NRXN1: variants seen among roughly 807,000 people sequenced by gnomAD.
NRXN1 encodes the protein neurexin 1.
Under a neutral mutation model 150.9 loss-of-function variants are expected in NRXN1, and 39 were observed. The ratio of observed to expected loss-of-function variants is 0.26; its 90% CI spans 0.20 to 0.34. NRXN1 has a LOEUF of 0.34. Ranked by LOEUF, NRXN1 falls within the 10% of genes least tolerant of loss-of-function variation. The probability of loss-of-function intolerance (pLI) is 1.00; values close to 1 mark genes in which losing one functional copy is unlikely to be tolerated. For missense variants in NRXN1, 1,815 were observed against 1,949.9 expected (o/e 0.93, Z 1.30); for synonymous variants, 924 against 757.0 (o/e 1.22, Z -3.62).
At chr2:50,191,022 T>C (rs1232949824) in intron 18 of NRXN1, among the ~76,000 whole-genome samples, 2 of 151,996 alleles carry the variant, frequency 1.3e-5, no homozygotes, top group Admixed American at 6.6e-5. Context: ...AATTCTTGTG[T>C]GTCCTTCACT....
chr2:50,905,594 A>G (rs1302642427), intron 5 of NRXN1, among the ~76,000 whole-genome samples: 1 of 152,072 alleles, frequency 6.6e-6, no homozygotes, highest in African/African-American at 2.4e-5. Flanking sequence ...AGCTGTTCCA[A>G]TATTTCTAAT....
chr2:50,536,651 A>G (rs1346776638), intron 10 of NRXN1, among the ~76,000 whole-genome samples: 2 of 152,170 alleles, frequency 1.3e-5, no homozygotes, highest in Non-Finnish European at 2.9e-5. Context: ...TCTCTGGGTG[A>G]TTAAAATTAA....
intron 2 of NRXN1, among the ~76,000 whole-genome samples, chr2:50,964,564 CTT>C (rs1213060285): frequency 6.6e-6 from 1 of 151,390 alleles, no homozygotes; most frequent in African/African-American, 2.4e-5. Context: ...ACTGTGACCA[CTT>C]TGTCTCCAAA....
chr2:50,040,911 A>C (rs112701371), intron 21 of NRXN1, among the ~76,000 whole-genome samples: 1 of 152,008 alleles, frequency 6.6e-6, no homozygotes, highest in Non-Finnish European at 1.5e-5. Context: ...ACATGTGCAC[A>C]ATGTGCAGGT....
intron 11 of NRXN1, among the ~76,000 whole-genome samples, chr2:50,529,423 T>C (rs1378680720): frequency 1.3e-5 from 2 of 152,222 alleles, no homozygotes; most frequent in African/African-American, 4.8e-5. Flanking sequence ...ATTTGCTTTA[T>C]ATAAAAGTAG....
At chr2:50,074,330 G>T (rs1438445787) in intron 19 of NRXN1, among the ~76,000 whole-genome samples, 1 of 152,024 alleles carries the variant, frequency 6.6e-6, no homozygotes, top group Non-Finnish European at 1.5e-5. Flanking sequence ...ACGAAATCTT[G>T]CTTTCTTAAA....
At chr2:50,708,278 C>A (rs1486738853) in intron 5 of NRXN1, among the ~76,000 whole-genome samples, 1 of 152,120 alleles carries the variant, frequency 6.6e-6, no homozygotes, top group Non-Finnish European at 1.5e-5. Context: ...GGTTCATGAA[C>A]TATTTTCAAT....
intron 5 of NRXN1, among the ~76,000 whole-genome samples, chr2:50,880,958 G>T (rs1003610999): frequency 6.6e-6 from 1 of 151,908 alleles, no homozygotes; most frequent in African/African-American, 2.4e-5. Context: ...GAGTCAAGGT[G>T]TCTCAACGGT....
rs566485446 is a variant in NRXN1 at position 50,435,698 on chromosome 2, G to C, written c.3364+29744C>G. On this transcript the variant is annotated intron_variant, in intron 17 of 22. Transcript: ENST00000401669. Reference sequence around the variant, plus strand: ...CTGGGTTGAATGATAATTCTGCTTTGAGTTATTTGAAAAATCACCAGACTG... The same window carrying C: ...CTGGGTTGAATGATAATTCTGCTTTCAGTTATTTGAAAAATCACCAGACTG... Among the ~76,000 whole-genome samples, 35 of 152,208 alleles carry C rather than the reference G, an allele frequency of 2.3e-4. 2 individuals carry two copies. The South Asian group carries it at 7.3e-3, about 32-fold the overall frequency.
intron 2 of NRXN1, among the ~76,000 whole-genome samples, chr2:51,010,458 A>C (rs1667668077): frequency 6.6e-6 from 1 of 152,006 alleles, no homozygotes. Flanking sequence ...ATTGTGAGTC[A>C]TTATACACAG....
chr2:50,517,253 G>C (rs1461135892), intron 12 of NRXN1, among the ~76,000 whole-genome samples: 2 of 152,064 alleles, frequency 1.3e-5, no homozygotes, highest in Non-Finnish European at 1.5e-5. Flanking sequence ...AATTATAGTA[G>C]TGATAAAAGT....
At chr2:50,616,078 T>C (rs987562828) in intron 8 of NRXN1, 1 of 152,160 alleles carries the variant, frequency 6.6e-6, no homozygotes, top group African/African-American at 2.4e-5. Context: ...TTATAATTTT[T>C]CTTTAACTCT....
In NRXN1 at chr2:49,920,290, ACTTT is replaced by A. The variant is rs1302963734; in HGVS notation, c.*1650_*1653del. 6.6e-6 allele frequency: 1 copy of A among 152,478 alleles called. No homozygotes were observed. The highest frequency in any genetic ancestry group is 1.5e-5 in the Non-Finnish European group (1 of 68,032). The allele number at this position is 152,478 out of a possible 1,614,324, so 9.4% of individuals were successfully genotyped here. ...ACAGAATCAAAAATTACTGAAAAAT[ACTTT>A]CTTAGTCGAGAGAAAGTGTTTACTT... On this transcript the variant is annotated 3_prime_UTR_variant, in exon 23 of 23. Coordinates refer to ENST00000401669, the MANE Select transcript of NRXN1 (RefSeq NM_001330078.2).
intron 5 of NRXN1, among the ~76,000 whole-genome samples, chr2:50,685,102 TTA>T (rs1691020846): frequency 6.6e-6 from 1 of 152,232 alleles, no homozygotes; most frequent in Non-Finnish European, 1.5e-5. Flanking sequence ...ATGAGCCAGT[TTA>T]TATACTAAAA....
At chr2:50,431,675 T>C (rs1207633942) in intron 17 of NRXN1, among the ~76,000 whole-genome samples, 2 of 152,202 alleles carry the variant, frequency 1.3e-5, no homozygotes, top group African/African-American at 4.8e-5. Flanking sequence ...AACACAGCCA[T>C]AGTACTCTTT....
intron 5 of NRXN1, among the ~76,000 whole-genome samples, chr2:50,737,971 G>T (rs576472177): frequency 6.6e-6 from 1 of 151,740 alleles, no homozygotes; most frequent in Non-Finnish European, 1.5e-5. Context: ...AAGACACAAA[G>T]GTTTATCAAG....
chr2:50,841,602 G>A (rs1455829488), intron 5 of NRXN1, among the ~76,000 whole-genome samples: 2 of 152,128 alleles, frequency 1.3e-5, no homozygotes, highest in African/African-American at 4.8e-5. Context: ...CTGTTATTTA[G>A]AGTGCTTGTT....
chr2:50,154,979 A>T (rs191700680), intron 18 of NRXN1, among the ~76,000 whole-genome samples: 1,031 of 151,798 alleles, frequency 6.8e-3, no homozygotes, highest in Non-Finnish European at 7.8e-3. Flanking sequence ...AAAATTGAAT[A>T]AAAGTATAAA....
At chr2:50,287,692 T>C (rs1520527) in intron 17 of NRXN1, among the ~76,000 whole-genome samples, 3,876 of 152,296 alleles carry the variant, frequency 0.025, 171 homozygotes, top group African/African-American at 0.087. Context: ...TATTTTATGA[T>C]TCTCATAGTC....
Sources: allele counts gnomAD v4.1 joint callset (sites outside exome capture counted in the v4.1 genomes callset), GRCh38; gene constraint gnomAD v4.1.1; transcripts MANE v1.5; gene names NCBI Gene and HGNC (gene_info 2026-07-23, HGNC 2026-07-21).